Variants in SGCD observed in about 807,000 individuals in gnomAD.
SGCD encodes sarcoglycan delta.
In SGCD, 18 loss-of-function variants were observed where a neutral mutation model predicts 36.6. The observed-to-expected ratio is 0.49, with a 90% confidence interval of 0.34 to 0.73. The LOEUF is 0.73. SGCD is among the 30% of genes least tolerant of loss of function. The probability of loss-of-function intolerance (pLI) is 0.01; values close to 1 mark genes in which losing one functional copy is unlikely to be tolerated. For synonymous variants in SGCD, 133 were observed against 130.6 expected (o/e 1.02, Z -0.12); for missense variants, 387 against 346.7 (o/e 1.12, Z -0.92).
At chr5:156,442,089 G>A (rs894574913) in intron 3 of SGCD, among the ~76,000 whole-genome samples, 7 of 152,166 alleles carry the variant, frequency 4.6e-5, no homozygotes, top group African/African-American at 1.7e-4. Flanking sequence ...ATTTAACAGG[G>A]TCTAGAAAGA....
intron 1 of SGCD, among the ~76,000 whole-genome samples, chr5:156,103,084 C>A (rs1186559690): frequency 6.6e-6 from 1 of 152,154 alleles, no homozygotes; most frequent in Non-Finnish European, 1.5e-5. Flanking sequence ...TAACAGTAAT[C>A]AGTATACAAG....
upstream of SGCD, among the ~76,000 whole-genome samples, chr5:155,869,695 A>G (rs1055473609): frequency 4.6e-5 from 7 of 151,978 alleles, no homozygotes; most frequent in Non-Finnish European, 7.4e-5. Context: ...CATCTGTACA[A>G]AAGAGATATG....
At chr5:155,893,870 A>G (rs569348191) in intron 1 of SGCD, among the ~76,000 whole-genome samples, 54 of 152,366 alleles carry the variant, frequency 3.5e-4, no homozygotes, top group African/African-American at 1.3e-3. Flanking sequence ...AATATGGTAA[A>G]GCCTGTTACT....
At chr5:156,302,807 T>TG (rs1410281993) in intron 3 of SGCD, among the ~76,000 whole-genome samples, 1 of 152,120 alleles carries the variant, frequency 6.6e-6, no homozygotes, top group Non-Finnish European at 1.5e-5. Context: ...TCTCTTACTT[T>TG]CTCCTAGACA....
At chr5:156,164,992 T>C (rs1423175119) in intron 3 of SGCD, among the ~76,000 whole-genome samples, 1 of 152,194 alleles carries the variant, frequency 6.6e-6, no homozygotes, top group Non-Finnish European at 1.5e-5. Context: ...GTTGTGCCAA[T>C]GAAATGAATT....
At chr5:156,171,557 T>C (rs888682536) in intron 3 of SGCD, among the ~76,000 whole-genome samples, 3 of 152,190 alleles carry the variant, frequency 2.0e-5, no homozygotes, top group Non-Finnish European at 4.4e-5. Context: ...ATCACATTGT[T>C]ACGGTAACAT....
At chr5:156,401,155 G>A (rs1033989591) in intron 3 of SGCD, among the ~76,000 whole-genome samples, 9 of 152,182 alleles carry the variant, frequency 5.9e-5, no homozygotes, top group Non-Finnish European at 1.3e-4. Flanking sequence ...TAACTTAAGA[G>A]AATATGCAAA....
At chr5:156,709,870 GGGGAAAT>G (rs1231578996) in intron 7 of SGCD, among the ~76,000 whole-genome samples, 1 of 148,234 alleles carries the variant, frequency 6.7e-6, no homozygotes, top group Non-Finnish European at 1.5e-5. Context: ...CCCCTACTCT[GGGGAAAT>G]GGGAAGGGAA....
At chr5:156,329,890 G>A (rs1036543355) in intron 2 of SGCD, among the ~76,000 whole-genome samples, 1 of 151,552 alleles carries the variant, frequency 6.6e-6, no homozygotes, top group Non-Finnish European at 1.5e-5. Flanking sequence ...GGTGGTGGGC[G>A]CCCGTAGTCC....
At chr5:156,467,441 T>C (rs1208585227) in intron 3 of SGCD, among the ~76,000 whole-genome samples, 1 of 152,174 alleles carries the variant, frequency 6.6e-6, no homozygotes, top group African/African-American at 2.4e-5. Flanking sequence ...AAGCATAAGA[T>C]AATAAAATTC....
chr5:156,407,629 T>C (rs556911245), intron 3 of SGCD, among the ~76,000 whole-genome samples: 1 of 152,342 alleles, frequency 6.6e-6, no homozygotes, highest in African/African-American at 2.4e-5. Flanking sequence ...AAATTTTCTA[T>C]GGTAAGGCCA....
At chr5:156,310,387 T>C (rs1274005387) in intron 3 of SGCD, among the ~76,000 whole-genome samples, 1 of 152,210 alleles carries the variant, frequency 6.6e-6, no homozygotes, top group African/African-American at 2.4e-5. Context: ...CACAGACTTC[T>C]TGATATTTGG....
chr5:156,266,790 TTTG>T (rs1279555336), intron 3 of SGCD, among the ~76,000 whole-genome samples: 1 of 149,628 alleles, frequency 6.7e-6, no homozygotes, highest in African/African-American at 2.5e-5. Context: ...TTTTTTTTTT[TTTG>T]GTAGAATATC....
the SGCD span, among the ~76,000 whole-genome samples, chr5:155,822,394 A>G: frequency 1.3e-5 from 2 of 152,204 alleles, no homozygotes; most frequent in Non-Finnish European, 2.9e-5. Context: ...TTCCTGCTGG[A>G]TGCAGGCTGC....
At chr5:155,749,833 T>C in the SGCD span, among the ~76,000 whole-genome samples, 3 of 152,202 alleles carry the variant, frequency 2.0e-5, no homozygotes, top group Non-Finnish European at 2.9e-5. Context: ...CAAGAAATAT[T>C]TTGGCAGACT....
intron 4 of SGCD, among the ~76,000 whole-genome samples, chr5:156,561,117 C>T (rs73297195): frequency 0.21 from 31,502 of 152,054 alleles, 3,559 homozygotes; most frequent in African/African-American, 0.3. Context: ...TATGGAGAGA[C>T]GTACCTTTCT....
At chr5:155,935,892 A>T (rs7713768) in intron 1 of SGCD, among the ~76,000 whole-genome samples, 142,225 of 152,190 alleles carry the variant, frequency 0.93, 66,544 homozygotes, top group East Asian at 1. Flanking sequence ...CGAGCAAGTG[A>T]GGGGTCCAGC....
At chr5:156,033,309 G>A (rs78091237) in intron 1 of SGCD, among the ~76,000 whole-genome samples, 187 of 152,182 alleles carry the variant, frequency 1.2e-3, no homozygotes, top group African/African-American at 4.3e-3. Context: ...TAATAGTAAG[G>A]TTTGTGCTTC....
At position 156,765,121 on chromosome 5, in the gene SGCD, T is replaced by C. The variant is rs1221833082; in HGVS notation, c.*5731T>C. 2.6e-5 allele frequency: 4 copies of C among 152,130 alleles called. No homozygotes were observed. Among genetic ancestry groups the C allele is most frequent in the Non-Finnish European group, 4.4e-5 (3 of 68,030 alleles). 9.4% of individuals were successfully genotyped at this position (152,130 alleles called of 1,614,324 possible). A position where few individuals can be genotyped will look rare whatever the true frequency, so the allele number is the denominator to read the frequency against. On this transcript the variant is annotated 3_prime_UTR_variant, in exon 9 of 9. Coordinates refer to ENST00000337851, the MANE Select transcript of SGCD (RefSeq NM_000337.6). ...CTTTGCGAGAAGAGAAAAGAAAACATCTGCTTGATTTAAAATCCACCCCAC... is the reference window on the plus strand; with the variant it reads ...CTTTGCGAGAAGAGAAAAGAAAACACCTGCTTGATTTAAAATCCACCCCAC...
Sources: gnomAD v4.1 joint callset for allele counts (sites outside exome capture counted in the v4.1 genomes callset) on GRCh38, gnomAD v4.1.1 for gene constraint, MANE v1.5 for transcripts, NCBI Gene and HGNC (gene_info 2026-07-23, HGNC 2026-07-21) for gene names.